FAM161A: variants seen among roughly 807,000 people sequenced by gnomAD.
FAM161A encodes the protein protein FAM161A.
A neutral mutation model predicts 70.9 loss-of-function variants in FAM161A; 57 were observed. The ratio of observed to expected loss-of-function variants is 0.80; its 90% CI spans 0.65 to 1.00. The LOEUF is 1.00. FAM161A is among the 50% of genes least tolerant of loss of function. FAM161A has a pLI of 0.00. For missense variants in FAM161A, 880 were observed against 836.0 expected (o/e 1.05, Z -0.65); for synonymous variants, 299 against 295.7 (o/e 1.01, Z -0.12).
At chr2:61,800,383 G>T in the FAM161A span, among the ~76,000 whole-genome samples, 6 of 152,292 alleles carry the variant, frequency 3.9e-5, no homozygotes, top group Admixed American at 3.9e-4. Context: ...TTTCCCACAT[G>T]GTCAGGATTC....
the FAM161A span, chr2:61,803,238 C>A: frequency 1.6e-6 from 1 of 610,656 alleles, no homozygotes; most frequent in South Asian, 1.5e-5. Context: ...CACTGGATGT[C>A]ATCTTTGTAT....
At chr2:61,829,942 T>C (rs1672506786) in intron 5 of FAM161A, among the ~76,000 whole-genome samples, 1 of 151,666 alleles carries the variant, frequency 6.6e-6, no homozygotes. Flanking sequence ...TTAGCAGCAA[T>C]AGTTCCAGCA....
chr2:61,831,043 C>T (rs988125511), intron 5 of FAM161A, among the ~76,000 whole-genome samples: 4 of 145,178 alleles, frequency 2.8e-5, no homozygotes, highest in African/African-American at 5.1e-5. Flanking sequence ...ACCCGGGAGG[C>T]GGAGGTTCCA....
intron 5 of FAM161A, among the ~76,000 whole-genome samples, chr2:61,830,756 C>T (rs894401757): frequency 3.3e-5 from 5 of 151,536 alleles, no homozygotes; most frequent in African/African-American, 1.2e-4. Flanking sequence ...GATCCTCCCC[C>T]CCTCAGTTTC....
the FAM161A span, among the ~76,000 whole-genome samples, chr2:61,810,989 A>C: frequency 1.3e-5 from 2 of 152,134 alleles, no homozygotes; most frequent in African/African-American, 4.8e-5. Context: ...TTTCTTCCCC[A>C]ATTCAGTAAG....
At chr2:61,842,949 G>C (rs182282756) in intron 1 of FAM161A, among the ~76,000 whole-genome samples, 31 of 152,282 alleles carry the variant, frequency 2.0e-4, no homozygotes, top group Middle Eastern at 3.4e-3. Flanking sequence ...GACATGGGAG[G>C]GGGTAGGAGG....
Position 61,826,263 on chromosome 2 carries a change from T to C in FAM161A, c.*192A>G. On this transcript the variant is annotated 3_prime_UTR_variant, in exon 7 of 7. Transcript: ENST00000404929. ...ATACACAATGATTTTTAAAACTGAA[T>C]AGGCAAAGCCTTACTCTAACTGATC... 2.8e-6 allele frequency: 2 copies of C among 710,056 alleles called. No homozygotes were observed. Among genetic ancestry groups the C allele is most frequent in the East Asian group, 2.7e-5 (1 of 36,848 alleles). The allele number at this position is 710,056 out of a possible 1,614,324, so 44.0% of individuals were successfully genotyped here.
intron 6 of FAM161A, 138 bp from the exon 7 acceptor site, chr2:61,826,737 A>G (rs1055067867): frequency 6.6e-6 from 4 of 607,320 alleles, no homozygotes; most frequent in African/African-American, 1.3e-4. Flanking sequence ...GACAACTCAA[A>G]AAAAAGAAGA....
chr2:61,820,177 A>G (rs1672174158), downstream of FAM161A: 1 of 520,244 alleles, frequency 1.9e-6, no homozygotes. Flanking sequence ...AAGCATCATT[A>G]AAATCTCTCT....
intron 2 of FAM161A, 55 bp downstream of exon 2, chr2:61,842,067 T>G: frequency 2.6e-6 from 3 of 1,135,388 alleles, no homozygotes; most frequent in Non-Finnish European, 4.0e-6. Flanking sequence ...GTTCTGTCCT[T>G]TTAAGGATAC....
rs570319352 is a variant in FAM161A at position 61,852,266 on chromosome 2, T to G, written c.183+1593A>C. On this transcript the variant is annotated intron_variant, in intron 1 of 6. Coordinates refer to ENST00000404929, the MANE Select transcript of FAM161A (RefSeq NM_001201543.2). ...GGTAATAACAGTTTCTAACACAAAT[T>G]TGCAGTTTAACAGGGCACTGTGGAA... Among the ~76,000 whole-genome samples, 4 of 152,282 alleles carry G rather than the reference T, an allele frequency of 2.6e-5. No homozygotes were observed. In the East Asian group the frequency reaches 5.8e-4, roughly 22 times the overall value.
At chr2:61,809,898 G>A in the FAM161A span, among the ~76,000 whole-genome samples, 2 of 152,142 alleles carry the variant, frequency 1.3e-5, no homozygotes, top group African/African-American at 2.4e-5. Context: ...AGGAGGAAAG[G>A]GTATTGGGAC....
chr2:61,805,124 A>G, the FAM161A span, among the ~76,000 whole-genome samples: 1 of 152,104 alleles, frequency 6.6e-6, no homozygotes, highest in African/African-American at 2.4e-5. Flanking sequence ...CCAATTGCAA[A>G]TCAGAAAATC....
intron 3 of FAM161A, among the ~76,000 whole-genome samples, 179 bp from the exon 4 acceptor site, chr2:61,838,884 A>ATTTTTTTTT (rs749935817): frequency 2.2e-5 from 3 of 133,618 alleles, no homozygotes; most frequent in African/African-American, 8.4e-5. Flanking sequence ...TTATTTATTT[A>ATTTTTTTTT]TTTATTTATT....
intron 5 of FAM161A, among the ~76,000 whole-genome samples, chr2:61,833,888 A>C (rs1192283893): frequency 6.6e-6 from 1 of 152,180 alleles, no homozygotes; most frequent in Non-Finnish European, 1.5e-5. Context: ...TTAGCTGGGC[A>C]TGATGGTGTG....
At chr2:61,820,816 G>T (rs1276253087), downstream of FAM161A, among the ~76,000 whole-genome samples, 1 of 152,140 alleles carries the variant, frequency 6.6e-6, no homozygotes, top group Non-Finnish European at 1.5e-5. Flanking sequence ...CTTGACATTA[G>T]GTGATGGGCA....
At chr2:61,816,344 C>T in the FAM161A span, among the ~76,000 whole-genome samples, 2 of 152,174 alleles carry the variant, frequency 1.3e-5, no homozygotes, top group Non-Finnish European at 2.9e-5. Flanking sequence ...AAAAGCATCC[C>T]TTCAACCCTT....
chr2:61,805,568 G>T, the FAM161A span, among the ~76,000 whole-genome samples: 1 of 152,112 alleles, frequency 6.6e-6, no homozygotes, highest in Admixed American at 6.6e-5. Context: ...GGGAGGTCAG[G>T]TCTTAAGTAT....
intron 5 of FAM161A, 200 bp downstream of exon 5, chr2:61,835,810 G>A (rs980166927): frequency 1.8e-6 from 1 of 562,992 alleles, no homozygotes; most frequent in Non-Finnish European, 3.2e-6. Flanking sequence ...GACTACAGGT[G>A]CACACCACCA....
Sources: allele counts gnomAD v4.1 joint callset (sites outside exome capture counted in the v4.1 genomes callset), GRCh38; gene constraint gnomAD v4.1.1; transcripts MANE v1.5; gene names NCBI Gene and HGNC (gene_info 2026-07-23, HGNC 2026-07-21).